CDH13: variants seen among roughly 807,000 people sequenced by gnomAD.
CDH13 encodes the protein cadherin-13.
A neutral mutation model predicts 63.8 loss-of-function variants in CDH13; 24 were observed. That is an observed-to-expected ratio of 0.38 (90% CI 0.27 to 0.53). The LOEUF (loss-of-function observed/expected upper bound fraction) is 0.53, where lower values mean the gene tolerates loss of function less well. CDH13 is among the 20% of genes least tolerant of loss of function. CDH13 has a pLI of 0.85. For missense variants in CDH13, 1,049 were observed against 903.1 expected, an observed-to-expected ratio of 1.16 and a Z score of -2.07; for synonymous variants, 503 against 355.3, an observed-to-expected ratio of 1.42 and a Z score of -4.67.
intron 11 of CDH13, among the ~76,000 whole-genome samples, chr16:83,770,785 G>T (rs1318080578): frequency 6.6e-6 from 1 of 152,162 alleles, no homozygotes. Context: ...TCACCATGTT[G>T]ATTTTGGTGG....
rs548521927 is a variant in CDH13 at position 83,409,539 on chromosome 16, C to T, written c.781+64533C>T. Among the ~76,000 whole-genome samples the T allele has an allele frequency of 2.0e-3, 299 of 152,346 alleles. 1 individual carries two copies. Among genetic ancestry groups the T allele is most frequent in the African/African-American group, 6.8e-3 (281 of 41,588 alleles). On this transcript the variant is annotated intron_variant, in intron 6 of 13. Transcript: ENST00000567109. ...CCTGGGAGGCACCTAGGTGATGTGA[C>T]TCAGACCTCTGTCAATACTGGCTGG...
intron 6 of CDH13, among the ~76,000 whole-genome samples, chr16:83,464,498 G>A (rs138565018): frequency 6.6e-6 from 1 of 152,256 alleles, no homozygotes; most frequent in Non-Finnish European, 1.5e-5. Flanking sequence ...GGCAACGAGA[G>A]TGAAACTCAG....
At chr16:83,692,856 G>C (rs1905043784) in intron 10 of CDH13, among the ~76,000 whole-genome samples, 1 of 152,148 alleles carries the variant, frequency 6.6e-6, no homozygotes, top group South Asian at 2.1e-4. Flanking sequence ...GGCCGAGGCA[G>C]GTGGATCACG....
rs144603165 is a variant in CDH13, at chr16:82,641,809, C to T, written c.45+14672C>T. On this transcript the variant is annotated intron_variant, in intron 1 of 13. Coordinates refer to ENST00000567109, the MANE Select transcript of CDH13 (RefSeq NM_001257.5). The stretch of plus-strand genomic sequence containing the variant: ...GAAATGAGTAAGACAGGCCAAGTCC[C>T]TGCTCTGGTGAGCTTATGTACTGGC... Among the ~76,000 whole-genome samples the T allele has an allele frequency of 3.5e-3, 530 of 152,298 alleles. 2 individuals carry two copies. Among genetic ancestry groups the T allele is most frequent in the African/African-American group, 0.012 (516 of 41,566 alleles).
intron 1 of CDH13, among the ~76,000 whole-genome samples, chr16:82,652,215 T>C (rs1910801165): frequency 6.6e-6 from 1 of 152,078 alleles, no homozygotes; most frequent in Admixed American, 6.5e-5. Flanking sequence ...CTTCAGAAAA[T>C]CATTATTGGT....
intron 3 of CDH13, among the ~76,000 whole-genome samples, chr16:83,080,377 T>C (rs918645098): frequency 3.3e-5 from 5 of 152,210 alleles, no homozygotes; most frequent in African/African-American, 4.8e-5. Flanking sequence ...CTCACTCTTA[T>C]GCCAAGTATT....
intron 6 of CDH13, among the ~76,000 whole-genome samples, chr16:83,442,861 G>T (rs1170824270): frequency 6.6e-6 from 1 of 152,158 alleles, no homozygotes; most frequent in Non-Finnish European, 1.5e-5. Context: ...ATACTATAAG[G>T]GACATTTCTG....
chr16:82,681,285 G>A (rs1914515706), intron 1 of CDH13, among the ~76,000 whole-genome samples: 1 of 152,222 alleles, frequency 6.6e-6, no homozygotes, highest in South Asian at 2.1e-4. Context: ...TAGATGAAAT[G>A]TCCAGAATAG....
At chr16:83,769,350 A>T (rs1914610094) in intron 11 of CDH13, among the ~76,000 whole-genome samples, 1 of 152,188 alleles carries the variant, frequency 6.6e-6, no homozygotes, top group African/African-American at 2.4e-5. Flanking sequence ...TGGGGAAGCA[A>T]ATGTCAGGAT....
At chr16:83,382,570 A>C (rs1314783234) in intron 6 of CDH13, among the ~76,000 whole-genome samples, 1 of 152,088 alleles carries the variant, frequency 6.6e-6, no homozygotes, top group Non-Finnish European at 1.5e-5. Context: ...CATAACCACC[A>C]TGCAAACCCA....
At chr16:83,446,727 G>A (rs1012026156) in intron 6 of CDH13, among the ~76,000 whole-genome samples, 1 of 152,084 alleles carries the variant, frequency 6.6e-6, no homozygotes, top group Non-Finnish European at 1.5e-5. Context: ...CAATTATCTA[G>A]TCTGCTACAA....
At chr16:83,002,242 T>C (rs1167433268) in intron 2 of CDH13, among the ~76,000 whole-genome samples, 2 of 152,308 alleles carry the variant, frequency 1.3e-5, no homozygotes, top group African/African-American at 4.8e-5. Context: ...CCTAAATCCA[T>C]TGACATGTGT....
chr16:82,976,007 C>T (rs1471042414), intron 2 of CDH13, among the ~76,000 whole-genome samples: 2 of 152,182 alleles, frequency 1.3e-5, no homozygotes, highest in African/African-American at 2.4e-5. Flanking sequence ...CGGAAAACAG[C>T]ACGGTAAGGA....
chr16:83,058,075 T>G (rs2031133727), intron 3 of CDH13, among the ~76,000 whole-genome samples: 1 of 152,246 alleles, frequency 6.6e-6, no homozygotes, highest in Non-Finnish European at 1.5e-5. Context: ...CTATGAAATC[T>G]TCACTATATT....
intron 7 of CDH13, among the ~76,000 whole-genome samples, chr16:83,500,984 A>C (rs569665527): frequency 1.3e-5 from 2 of 152,206 alleles, no homozygotes; most frequent in Non-Finnish European, 2.9e-5. Flanking sequence ...CAGGGGAAGC[A>C]TTCCAAATGT....
intron 4 of CDH13, among the ~76,000 whole-genome samples, chr16:83,186,087 T>C (rs1214224299): frequency 1.8e-5 from 1 of 56,872 alleles, no homozygotes. Flanking sequence ...ATCTTTTTAT[T>C]TTATTTTATT....
chr16:82,774,316 C>G (rs1597533033), intron 1 of CDH13, among the ~76,000 whole-genome samples: 1 of 82,726 alleles, frequency 1.2e-5, no homozygotes, highest in East Asian at 5.4e-4. Flanking sequence ...TGTATGACTT[C>G]AGTTCATTTT....
At chr16:82,782,409 C>T (rs2035798225) in intron 1 of CDH13, among the ~76,000 whole-genome samples, 1 of 151,936 alleles carries the variant, frequency 6.6e-6, no homozygotes, top group African/African-American at 2.4e-5. Flanking sequence ...AAAATACAAA[C>T]ATTAGCCAGG....
chr16:83,699,730 G>A (rs1178398995), intron 10 of CDH13, among the ~76,000 whole-genome samples: 1 of 152,198 alleles, frequency 6.6e-6, no homozygotes, highest in Non-Finnish European at 1.5e-5. Flanking sequence ...GGCATGGAAA[G>A]GGCAGTTACA....
Sources: gnomAD v4.1 joint callset for allele counts (sites outside exome capture counted in the v4.1 genomes callset) on GRCh38, gnomAD v4.1.1 for gene constraint, MANE v1.5 for transcripts, NCBI Gene and HGNC (gene_info 2026-07-23, HGNC 2026-07-21) for gene names.